The following MUC4 variants were observed in gnomAD, a reference collection of about 807,000 sequenced individuals.
The protein encoded by MUC4 is mucin 4, cell surface associated, also known as mucin-4.
A neutral mutation model predicts 257.9 loss-of-function variants in MUC4; 202 were observed. The observed-to-expected ratio is 0.78, with a 90% CI of 0.70 to 0.88. The LOEUF (loss-of-function observed/expected upper bound fraction) is 0.88, where lower values mean the gene tolerates loss of function less well. Among genes scored for constraint, MUC4 ranks in the 40% least tolerant of loss-of-function variants. MUC4 has a pLI of 0.00. For synonymous variants in MUC4, 2,351 were observed against 2,757.1 expected, an observed-to-expected ratio of 0.85 and a Z score of 4.62; for missense variants, 5,976 against 6,513.7, an observed-to-expected ratio of 0.92 and a Z score of 2.84.
intron 14 of MUC4, 96 bp downstream of exon 14, chr3:195,761,991 A>C: frequency 7.4e-7 from 1 of 1,354,222 alleles, no homozygotes; most frequent in South Asian, 1.4e-5. Context: ...AGGCGGAGAA[A>C]GGGAGGCCGA....
In MUC4 at chr3:195,781,601, T is replaced by A; in HGVS notation, c.9979A>T (p.Thr3327Ser). The part of the protein sequence containing the change: ...DASSASTGHA[T>S]PLHVTSPSSA... ...GAAGGGCTGGTGACATGAAGAGGGG[T>A]GGCGTGACCTGTGGATGCTGAGGAA... Residue 3327 changes from threonine (T) to serine (S), a missense_variant, in exon 2 of 25, where the codon ACC becomes TCC. Physicochemically the swap from Thr to Ser is moderately conservative, Grantham distance 58. Coordinates refer to ENST00000463781, the MANE Select transcript of MUC4 (RefSeq NM_018406.7). The A allele has an allele frequency of 4.4e-5, 25 of 572,212 alleles. 1 individual carries two copies. The highest frequency in any genetic ancestry group is 6.0e-5 in the Non-Finnish European group (25 of 413,674). The allele number at this position is 572,212 out of a possible 1,614,324, so 35.4% of individuals were successfully genotyped here. A position where few individuals can be genotyped will look rare whatever the true frequency, so the allele number is the denominator to read the frequency against.
In MUC4 at chr3:195,785,539, G is replaced by C. The variant is rs1560366746; in HGVS notation, c.6041C>G (p.Ala2014Gly). 5 of 1,516,608 alleles carry C rather than the reference G, an allele frequency of 3.3e-6. No homozygotes were observed. The highest frequency in any genetic ancestry group is 4.4e-6 in the Non-Finnish European group (5 of 1,128,260). The allele number at this position is 1,516,608 out of a possible 1,614,324, so 93.9% of individuals were successfully genotyped here. The change falls in exon 2 of 25, where the codon GCC becomes GGC. Residue 2014 changes from alanine to glycine, a missense_variant. This residue lies in a region of MUC4 where 51 missense variants were observed against 45.1 expected (regional missense o/e 1.13). Transcript: ENST00000463781. ...TDTSSVSTGQ[A>G]TPLPVTSLSS... ...AAGGCTGGTGACAGGAAGAGGGGTG[G>C]CCTGTCCTGTAGATACTGAGGAAGT...
rs1436802105 is a variant in MUC4, at chr3:195,789,002, T to C, written c.2578A>G (p.Ser860Gly). 35 of 1,613,714 alleles carry C rather than the reference T, an allele frequency of 2.2e-5. No homozygotes were observed. Among genetic ancestry groups the C allele is most frequent in the Non-Finnish European group, 2.6e-5 (31 of 1,179,836 alleles). ...ASASHGAIPV[S>G]TGMASSIVPG... is the part of the protein sequence containing the mutation. ...ACGATCGAAGACGCCATTCCTGTGC[T>C]TACTGGGATGGCACCATGACTGGCT... Residue 860 changes from serine to glycine, a missense_variant, in exon 2 of 25, where the codon AGC becomes GGC. Ser to Gly is a moderately conservative substitution (Grantham distance 56). Transcript: ENST00000463781.
chr3:195,771,659 A>G lies in MUC4; in HGVS notation c.13235T>C (p.Phe4412Ser). 1 of 1,613,152 alleles carries G rather than the reference A, an allele frequency of 6.2e-7. No individual in the cohort carries two copies. Among genetic ancestry groups the G allele is most frequent in the Non-Finnish European group, 8.5e-7 (1 of 1,179,358 alleles). The stretch of plus-strand genomic sequence containing the variant: ...AGGCTTTGAAAGGCTCACCTGATAA[A>G]ATGTGGTCCCCCGACCAGTGGAGAA... Reference protein sequence around the residue: ...ADFSTGRGTTFYQEYETFYGE... With the variant: ...ADFSTGRGTTSYQEYETFYGE... Residue 4412 changes from phenylalanine to serine, a missense_variant, in exon 5 of 25, where the codon TTT (phenylalanine) becomes TCT (serine). By Grantham distance (155) the Phe-to-Ser change is radical. Transcript: ENST00000463781.
intron 20 of MUC4, 100 bp downstream of exon 20, chr3:195,752,951 A>G (rs922586428): frequency 5.5e-6 from 6 of 1,089,342 alleles, no homozygotes; most frequent in Non-Finnish European, 7.8e-6. Flanking sequence ...CTGTGACCCC[A>G]GAGCTTCCTC....
chr3:195,767,739 T>TCAC lies in MUC4; in HGVS notation c.13530-991_13530-989dup, dbSNP rs1371859288. Among the ~76,000 whole-genome samples the TCAC allele has an allele frequency of 3.2e-3, 10 of 3,152 alleles. 2 individuals are homozygous for TCAC. The highest frequency in any genetic ancestry group is 6.8e-3 in the Admixed American group (2 of 294). 2.1% of individuals were successfully genotyped at this position (3,152 alleles called of 152,430 possible). ...GCCACCACCACCATCACCACCACCA[T>TCAC]CACCATCGCCACCACCACCATCACC... On this transcript the variant is annotated intron_variant, in intron 7 of 24. Coordinates refer to ENST00000463781, the MANE Select transcript of MUC4 (RefSeq NM_018406.7).
chr3:195,767,860 C>CA (rs1721772738), intron 7 of MUC4, among the ~76,000 whole-genome samples: 2 of 145,004 alleles, frequency 1.4e-5, no homozygotes, highest in Non-Finnish European at 3.0e-5. Flanking sequence ...CCACCATCAC[C>CA]CCCAACACCA....
At chr3:195,799,229 C>CTGTGTGTGTGTGTGTG (rs56897401) in intron 1 of MUC4, among the ~76,000 whole-genome samples, 88 of 120,184 alleles carry the variant, frequency 7.3e-4, no homozygotes, top group African/African-American at 2.1e-3. Flanking sequence ...ATGTGTGACA[C>CTGTGTGTGTGTGTGTG]TGTGTGTGTG....
At chr3:195,760,322 G>C (rs1718504681) in intron 16 of MUC4, among the ~76,000 whole-genome samples, 2 of 152,212 alleles carry the variant, frequency 1.3e-5, no homozygotes, top group South Asian at 4.1e-4. Context: ...ACGTAAAGAA[G>C]GTGAGGGGCA....
At chr3:195,794,383 GAGAGAGAGAAGAA>G (rs1254137929) in intron 1 of MUC4, among the ~76,000 whole-genome samples, 6 of 148,486 alleles carry the variant, frequency 4.0e-5, no homozygotes, top group African/African-American at 1.6e-4. Context: ...TAGAGAGAGA[GAGAGAGAGAAGAA>G]AGAGAGAGAG....
chr3:195,802,333 G>A (rs997863371), intron 1 of MUC4, among the ~76,000 whole-genome samples: 2 of 138,216 alleles, frequency 1.4e-5, no homozygotes, highest in African/African-American at 5.1e-5. Flanking sequence ...CCTCCCCGTC[G>A]CTTTGACTAC....
intron 7 of MUC4, among the ~76,000 whole-genome samples, chr3:195,767,963 A>G (rs1294679046): frequency 6.6e-6 from 1 of 150,504 alleles, no homozygotes; most frequent in African/African-American, 2.5e-5. Flanking sequence ...CACCACCACC[A>G]CCACTATCGC....
intron 4 of MUC4, among the ~76,000 whole-genome samples, chr3:195,772,224 C>T (rs1723052076): frequency 8.3e-6 from 1 of 120,478 alleles, no homozygotes; most frequent in African/African-American, 2.8e-5. Context: ...TGGGTGGAGC[C>T]CTCCCTCCGT....
chr3:195,751,462 T>C lies in MUC4; in HGVS notation c.15583-191A>G, dbSNP rs139287077. ...TCAGTGAGTGTCATGGGTCCTTGCT[T>C]AATAATGTTTGTTGAGAGTGAAGGG... On this transcript the variant is annotated intron_variant, in intron 21 of 24. Coordinates refer to ENST00000463781, the MANE Select transcript of MUC4 (RefSeq NM_018406.7). 2.4e-4 allele frequency: 146 copies of C among 612,392 alleles called. 1 individual carries two copies. Among genetic ancestry groups the C allele is most frequent in the Non-Finnish European group, 3.9e-4 (132 of 340,202 alleles). 37.9% of individuals were successfully genotyped at this position (612,392 alleles called of 1,614,324 possible).
rs139779754 is a variant in MUC4, at chr3:195,769,112, C to T, written c.13439G>A (p.Arg4480Lys). The T allele has an allele frequency of 1.2e-4, 197 of 1,614,186 alleles. 1 individual carries two copies. The African/African-American group carries it at 2.2e-3, about 18-fold the overall frequency. Residue 4480 changes from arginine to lysine, a missense_variant, in exon 7 of 25, where the codon AGG becomes AAG. Arg to Lys is a conservative substitution (Grantham distance 26). Around this residue, in one of 44 missense-constraint regions of MUC4, gnomAD observed 996 missense variants for 1,137.3 expected, o/e 0.88. Coordinates refer to ENST00000463781, the MANE Select transcript of MUC4 (RefSeq NM_018406.7). ...CTGGTAGAGAAACAGGGCATAGGACCTGCTCCCGTCCGTGGAGAGGATGGC... is the reference window on the plus strand; with the variant it reads ...CTGGTAGAGAAACAGGGCATAGGACTTGCTCCCGTCCGTGGAGAGGATGGC... ...YQAILSTDGS[R>K]SYALFLYQSG...
intron 18 of MUC4, among the ~76,000 whole-genome samples, chr3:195,756,651 CT>C (rs1272340767): frequency 6.2e-5 from 7 of 113,808 alleles, no homozygotes; most frequent in African/African-American, 2.5e-4. Context: ...TCTTTCTTTT[CT>C]TTTCTTTTCT....
chr3:195,763,792 GCT>G, intron 11 of MUC4, 151 bp from the exon 12 acceptor site: 1 of 1,036,072 alleles, frequency 9.7e-7, no homozygotes, highest in Non-Finnish European at 1.4e-6. Context: ...GGCGGACTCA[GCT>G]GGGGAGATGT....
chr3:195,761,671 G>T, intron 14 of MUC4, 86 bp from the exon 15 acceptor site: 1 of 1,063,252 alleles, frequency 9.4e-7, no homozygotes. Context: ...GTGGGGAGAG[G>T]CCAGGGCCTG....
chr3:195,797,880 A>G (rs1578461856), intron 1 of MUC4, among the ~76,000 whole-genome samples: 2 of 152,122 alleles, frequency 1.3e-5, no homozygotes, highest in Non-Finnish European at 2.9e-5. Flanking sequence ...CTGAGGCAGG[A>G]GGAACACTTG....
Sources: gnomAD v4.1 joint callset for allele counts (sites outside exome capture counted in the v4.1 genomes callset) on GRCh38, gnomAD v4.1.1 for gene constraint, gnomAD v4.1.1 regional missense constraint, MANE v1.5 for transcripts, NCBI Gene and HGNC (gene_info 2026-07-23, HGNC 2026-07-21) for gene names.